RELN: variants seen among roughly 807,000 people sequenced by gnomAD.
The protein encoded by RELN is reelin.
A neutral mutation model predicts 427.6 loss-of-function variants in RELN; 108 were observed. That is an observed-to-expected ratio of 0.25 (90% confidence interval 0.22 to 0.30). RELN has a LOEUF of 0.30. Ranked by LOEUF, RELN falls within the 10% of genes least tolerant of loss-of-function variation. The pLI, the probability that RELN is intolerant of heterozygous loss-of-function variation, is 1.00. For missense variants in RELN, 3,715 were observed against 4,302.8 expected (o/e 0.86, Z 3.82); for synonymous variants, 1,524 against 1,513.4 (o/e 1.01, Z -0.16).
At chr7:103,794,173 C>A (rs1563017386) in intron 3 of RELN, among the ~76,000 whole-genome samples, 1 of 152,026 alleles carries the variant, frequency 6.6e-6, no homozygotes, top group Non-Finnish European at 1.5e-5. Flanking sequence ...TAGAAATGGG[C>A]AACTTTAAAA....
chr7:103,850,379 C>G (rs977778603), intron 2 of RELN, among the ~76,000 whole-genome samples: 3 of 152,174 alleles, frequency 2.0e-5, no homozygotes, highest in Admixed American at 1.3e-4. Context: ...TTACCTAGAG[C>G]TGAGTCAAGT....
At chr7:103,734,643 G>A (rs138421919) in intron 6 of RELN, among the ~76,000 whole-genome samples, 9 of 152,154 alleles carry the variant, frequency 5.9e-5, no homozygotes, top group African/African-American at 2.2e-4. Flanking sequence ...AAGTGAGAGG[G>A]GACTTGAAAT....
chr7:103,521,995 A>C (rs1345680836), intron 48 of RELN, 27 bp downstream of exon 48: 1 of 1,612,622 alleles, frequency 6.2e-7, no homozygotes, highest in African/African-American at 1.3e-5. Flanking sequence ...AAGAGCAGAA[A>C]TGAGTAACCA....
intron 1 of RELN, among the ~76,000 whole-genome samples, chr7:103,939,828 C>T (rs1309101391): frequency 6.6e-6 from 1 of 152,104 alleles, no homozygotes. Flanking sequence ...GTGAGAGATA[C>T]ATACTAATGT....
chr7:103,855,004 T>C (rs1478915998), intron 2 of RELN, among the ~76,000 whole-genome samples: 1 of 152,244 alleles, frequency 6.6e-6, no homozygotes, highest in Non-Finnish European at 1.5e-5. Flanking sequence ...AGAATTAATG[T>C]ATAGCAGCAT....
At chr7:103,480,601 T>C (rs3808044) in intron 63 of RELN, among the ~76,000 whole-genome samples, 9,644 of 152,280 alleles carry the variant, frequency 0.063, 318 homozygotes, top group South Asian at 0.11. Context: ...TTGAAACAAC[T>C]CATTTATTGA....
Position 103,801,024 on chromosome 7 carries a change from C to T in RELN, c.474-24397G>A, listed in dbSNP as rs61353629. On this transcript the variant is annotated intron_variant, in intron 3 of 64. Coordinates refer to ENST00000428762, the MANE Select transcript of RELN (RefSeq NM_005045.4). Reference sequence around the variant, plus strand: ...ATCAGAGAAATGCAAATCAAAACCACAATGAGATACCATCTTACACCAGTT... The same window carrying T: ...ATCAGAGAAATGCAAATCAAAACCATAATGAGATACCATCTTACACCAGTT... Among the ~76,000 whole-genome samples the T allele has an allele frequency of 6.8e-3, 1,037 of 152,228 alleles. 10 individuals carry two copies. The highest frequency in any genetic ancestry group is 0.024 in the African/African-American group (995 of 41,540).
intron 28 of RELN, among the ~76,000 whole-genome samples, chr7:103,585,614 T>C (rs1831251964): frequency 6.6e-6 from 1 of 152,154 alleles, no homozygotes; most frequent in Non-Finnish European, 1.5e-5. Context: ...TGGATTCAGA[T>C]AAATTTTACT....
chr7:103,857,344 A>G (rs1308409123), intron 2 of RELN, among the ~76,000 whole-genome samples: 1 of 152,230 alleles, frequency 6.6e-6, no homozygotes, highest in African/African-American at 2.4e-5. Flanking sequence ...TTGCAATCAC[A>G]TTCCTTGAAA....
At chr7:103,693,780 T>C (rs1833921381) in intron 10 of RELN, among the ~76,000 whole-genome samples, 1 of 152,140 alleles carries the variant, frequency 6.6e-6, no homozygotes, top group Admixed American at 6.6e-5. Flanking sequence ...TGGATGATCC[T>C]TGGTTCCAAC....
At chr7:103,705,403 C>T (rs190046566) in intron 8 of RELN, among the ~76,000 whole-genome samples, 34 of 152,182 alleles carry the variant, frequency 2.2e-4, no homozygotes, top group African/African-American at 7.9e-4. Flanking sequence ...ATAATAAAAT[C>T]GTAACCTTAC....
At chr7:103,597,946 T>C (rs1831577067) in intron 24 of RELN, among the ~76,000 whole-genome samples, 1 of 152,206 alleles carries the variant, frequency 6.6e-6, no homozygotes, top group African/African-American at 2.4e-5. Context: ...AGCTCATCCA[T>C]GGATTTCTCT....
At chr7:103,474,336 A>G (rs891605508) in intron 64 of RELN, among the ~76,000 whole-genome samples, 1 of 152,170 alleles carries the variant, frequency 6.6e-6, no homozygotes, top group African/African-American at 2.4e-5. Flanking sequence ...TACTAATAAC[A>G]TCCCCTGCTA....
intron 2 of RELN, among the ~76,000 whole-genome samples, chr7:103,864,309 C>A (rs528955174): frequency 6.6e-6 from 1 of 152,114 alleles, no homozygotes; most frequent in East Asian, 1.9e-4. Flanking sequence ...ACACTTAATA[C>A]GAGGTCCACC....
chr7:103,720,573 T>C (rs1490686282), intron 8 of RELN, among the ~76,000 whole-genome samples: 2 of 152,184 alleles, frequency 1.3e-5, no homozygotes, highest in African/African-American at 4.8e-5. Context: ...ATTTGGAGAA[T>C]TCCACAGTAC....
chr7:103,924,985 TACAC>T (rs1228074490), intron 1 of RELN, among the ~76,000 whole-genome samples: 2 of 137,540 alleles, frequency 1.5e-5, no homozygotes, highest in Non-Finnish European at 3.1e-5. Context: ...TGCATGCGCA[TACAC>T]ATACACACAC....
At position 103,657,720 on chromosome 7, in the gene RELN, C is replaced by T. The variant is rs1042178142; in HGVS notation, c.1442-3515G>A. Among the ~76,000 whole-genome samples, 8 of 152,098 alleles carry T rather than the reference C, an allele frequency of 5.3e-5. No homozygotes were observed. In the East Asian group the frequency reaches 5.8e-4, roughly 11 times the overall value. On this transcript the variant is annotated intron_variant, in intron 12 of 64. Coordinates refer to ENST00000428762, the MANE Select transcript of RELN (RefSeq NM_005045.4). ...ACAGATTTTATCTGAAAGATTCTTCCGGGAGCAATTTATAGTTCTGTGAAG... is the reference window on the plus strand; with the variant it reads ...ACAGATTTTATCTGAAAGATTCTTCTGGGAGCAATTTATAGTTCTGTGAAG...
chr7:103,941,089 G>GC (rs1796104212), intron 1 of RELN, among the ~76,000 whole-genome samples: 1 of 151,846 alleles, frequency 6.6e-6, no homozygotes, highest in South Asian at 2.1e-4. Context: ...TTCCCTTCCT[G>GC]CCCCCTCACC....
intron 31 of RELN, among the ~76,000 whole-genome samples, chr7:103,568,103 A>T (rs1031860492): frequency 2.0e-5 from 3 of 152,160 alleles, no homozygotes; most frequent in Admixed American, 2.0e-4. Flanking sequence ...AGCAAATTCT[A>T]ACTCTTTTGG....
Sources: gnomAD v4.1 joint callset for allele counts (sites outside exome capture counted in the v4.1 genomes callset) on GRCh38, gnomAD v4.1.1 for gene constraint, MANE v1.5 for transcripts, NCBI Gene and HGNC (gene_info 2026-07-23, HGNC 2026-07-21) for gene names.